The following ST18 variants were observed in gnomAD, a reference collection of about 807,000 sequenced individuals.
ST18 encodes suppression of tumorigenicity 18 protein.
ST18 carries 50 observed loss-of-function variants against 110.0 expected under a neutral mutation model. The observed-to-expected ratio is 0.45, with a 90% confidence interval of 0.36 to 0.58. ST18 has a LOEUF of 0.58. ST18 is among the 20% of genes least tolerant of loss of function. ST18 has a pLI of 0.00. For missense variants in ST18, 1,306 were observed against 1,280.1 expected, an observed-to-expected ratio of 1.02 and a Z score of -0.31; for synonymous variants, 461 against 452.4, an observed-to-expected ratio of 1.02 and a Z score of -0.24.
chr8:52,212,147 G>T (rs1262434577), intron 7 of ST18, 38 bp from the exon 8 acceptor site: 4 of 1,580,482 alleles, frequency 2.5e-6, no homozygotes, highest in Non-Finnish European at 3.4e-6. Context: ...GACTTAATCA[G>T]TTGATAATTT....
rs1275538355 is a variant in ST18, at chr8:52,220,745, CT to C, written c.-162del. The C allele has an allele frequency of 6.6e-6, 1 of 152,164 alleles. No homozygotes were observed. Among genetic ancestry groups the C allele is most frequent in the African/African-American group, 2.4e-5 (1 of 41,440 alleles). The allele number at this position is 152,164 out of a possible 1,614,324, so 9.4% of individuals were successfully genotyped here. On this transcript the variant is annotated 5_prime_UTR_variant, in exon 5 of 26. Transcript: ENST00000689386. The stretch of plus-strand genomic sequence containing the variant: ...TAAATAAAAATGTCGCCTTACCTCT[CT>C]TTTTCTCCAGGTAACTTGTATGTCA...
At chr8:52,309,739 C>T (rs747915627) in intron 2 of ST18, among the ~76,000 whole-genome samples, 83 of 151,842 alleles carry the variant, frequency 5.5e-4, no homozygotes, top group Non-Finnish European at 1.0e-3. Flanking sequence ...TGGGGGAAAC[C>T]ATACATCATC....
intron 2 of ST18, among the ~76,000 whole-genome samples, chr8:52,383,841 T>C (rs148561511): frequency 8.6e-4 from 128 of 149,624 alleles, no homozygotes; most frequent in African/African-American, 3.1e-3. Context: ...CTCAAACCCC[T>C]GGCTCATAGG....
intron 15 of ST18, among the ~76,000 whole-genome samples, chr8:52,155,479 G>A (rs556204482): frequency 6.6e-6 from 1 of 152,288 alleles, no homozygotes; most frequent in South Asian, 2.1e-4. Context: ...AATGTCACAA[G>A]CACTGGTGCC....
At chr8:52,185,015 A>T (rs1210225088) in intron 8 of ST18, among the ~76,000 whole-genome samples, 3 of 152,168 alleles carry the variant, frequency 2.0e-5, no homozygotes, top group Non-Finnish European at 4.4e-5. Flanking sequence ...AAAAGAAAAA[A>T]TTAAACTATT....
intron 2 of ST18, among the ~76,000 whole-genome samples, chr8:52,359,831 A>T (rs1378281786): frequency 6.6e-6 from 1 of 152,174 alleles, no homozygotes; most frequent in Non-Finnish European, 1.5e-5. Context: ...TTTGATTGCT[A>T]TAATTAAATT....
At chr8:52,343,290 C>T (rs1186279094) in intron 2 of ST18, among the ~76,000 whole-genome samples, 1 of 152,072 alleles carries the variant, frequency 6.6e-6, no homozygotes, top group Admixed American at 6.6e-5. Flanking sequence ...GTTTTACTAC[C>T]GTATTTCACA....
chr8:52,400,109 A>G (rs1168962996), intron 2 of ST18, among the ~76,000 whole-genome samples: 1 of 152,014 alleles, frequency 6.6e-6, no homozygotes, highest in Admixed American at 6.6e-5. Flanking sequence ...GTGCATATAT[A>G]TTTCCAATTG....
At chr8:52,292,926 C>A (rs1406619613) in intron 2 of ST18, among the ~76,000 whole-genome samples, 1 of 152,196 alleles carries the variant, frequency 6.6e-6, no homozygotes, top group South Asian at 2.1e-4. Context: ...ATTCTGGCCT[C>A]TTTCCTATGA....
At position 52,309,771 on chromosome 8, in the gene ST18, A is replaced by G. The variant is rs141561514; in HGVS notation, c.-464-79694T>C. 5.9e-3 allele frequency among the ~76,000 whole-genome samples: 901 copies of G among 152,132 alleles called. 5 individuals carry two copies. Among genetic ancestry groups the G allele is most frequent in the African/African-American group, 0.021 (853 of 41,494 alleles). ...CATCTGCTTCCTTCTTTTACCTGCA[A>G]ATACCTGCAGCCCAGACCACCATGA... On this transcript the variant is annotated intron_variant, in intron 2 of 25. Transcript: ENST00000689386.
chr8:52,408,633 T>G (rs1845373761), intron 2 of ST18, among the ~76,000 whole-genome samples: 1 of 152,276 alleles, frequency 6.6e-6, no homozygotes. Flanking sequence ...TACTGCGTAG[T>G]GACCAATGCA....
intron 2 of ST18, among the ~76,000 whole-genome samples, chr8:52,276,636 C>T (rs998985513): frequency 3.9e-5 from 6 of 152,132 alleles, no homozygotes; most frequent in African/African-American, 1.4e-4. Flanking sequence ...AATGCCACCA[C>T]AGCAGATCAG....
rs1048572700 is a variant in ST18, at chr8:52,360,352, T to G, written c.-465+48976A>C. On this transcript the variant is annotated intron_variant, in intron 2 of 25. Coordinates refer to ENST00000689386, the MANE Select transcript of ST18 (RefSeq NM_001352837.2). Reference sequence around the variant, plus strand: ...AATATCTTATTTTAAATAAATGCTTTATTTAGGTCACATAATTAAATATAA... The same window carrying G: ...AATATCTTATTTTAAATAAATGCTTGATTTAGGTCACATAATTAAATATAA... Among the ~76,000 whole-genome samples the G allele has an allele frequency of 1.6e-4, 25 of 152,112 alleles. 1 individual carries two copies. Among genetic ancestry groups the G allele is most frequent in the African/African-American group, 2.2e-4 (9 of 41,444 alleles).
chr8:52,188,323 A>G (rs2073165681), intron 8 of ST18, among the ~76,000 whole-genome samples: 1 of 152,212 alleles, frequency 6.6e-6, no homozygotes, highest in Admixed American at 6.5e-5. Context: ...AAAGATCTCA[A>G]GGAGGTTAGA....
At chr8:52,280,260 A>G (rs2095350575) in intron 2 of ST18, among the ~76,000 whole-genome samples, 1 of 152,146 alleles carries the variant, frequency 6.6e-6, no homozygotes, top group African/African-American at 2.4e-5. Flanking sequence ...ACCAGATATC[A>G]TGGCAAAAAT....
intron 2 of ST18, among the ~76,000 whole-genome samples, chr8:52,388,119 A>G (rs533453710): frequency 1.2e-4 from 19 of 152,356 alleles, no homozygotes; most frequent in African/African-American, 4.3e-4. Flanking sequence ...AGTTTGTTCC[A>G]ACGTGATTGA....
chr8:52,408,609 T>C (rs1845357304), intron 2 of ST18, among the ~76,000 whole-genome samples: 1 of 152,240 alleles, frequency 6.6e-6, no homozygotes, highest in Non-Finnish European at 1.5e-5. Context: ...AAGAAACTCA[T>C]CTACAATCCC....
intron 2 of ST18, among the ~76,000 whole-genome samples, chr8:52,319,675 G>A (rs892485351): frequency 7.9e-5 from 12 of 152,060 alleles, no homozygotes; most frequent in Non-Finnish European, 1.6e-4. Flanking sequence ...ATAATTTTGT[G>A]AGACAGGAAT....
intron 5 of ST18, 85 bp from the exon 6 acceptor site, chr8:52,217,986 CT>C (rs1298934902): frequency 6.6e-6 from 1 of 152,186 alleles, no homozygotes; most frequent in African/African-American, 2.4e-5. Context: ...AAGCCAATTA[CT>C]GACATGTGGG....
Sources: allele counts gnomAD v4.1 joint callset (sites outside exome capture counted in the v4.1 genomes callset), GRCh38; gene constraint gnomAD v4.1.1; transcripts MANE v1.5; gene names NCBI Gene and HGNC (gene_info 2026-07-23, HGNC 2026-07-21).